The following NR3C1 variants were observed in gnomAD, a reference collection of about 807,000 sequenced individuals.
NR3C1 encodes the protein nuclear receptor subfamily 3 group C member 1.
In NR3C1, 14 loss-of-function variants were observed where a neutral mutation model predicts 74.0. The observed-to-expected ratio is 0.19, with a 90% confidence interval of 0.12 to 0.30. The LOEUF (loss-of-function observed/expected upper bound fraction) is 0.30, where lower values mean the gene tolerates loss of function less well. NR3C1 is among the 10% of genes least tolerant of loss of function. The pLI is 1.00. For synonymous variants in NR3C1, 308 were observed against 332.5 expected (o/e 0.93, Z 0.80); for missense variants, 695 against 909.8 (o/e 0.76, Z 3.04).
At chr5:143,387,379 G>A (rs1837432918) in intron 2 of NR3C1, among the ~76,000 whole-genome samples, 1 of 152,158 alleles carries the variant, frequency 6.6e-6, no homozygotes, top group Admixed American at 6.5e-5. Flanking sequence ...ATGTTCCCAT[G>A]TTTTAAAGAC....
upstream of NR3C1, chr5:143,404,015 C>T: frequency 3.0e-6 from 3 of 985,372 alleles, no homozygotes; most frequent in Non-Finnish European, 3.6e-6. Context: ...GTTAAGAGGG[C>T]CACCGAGTTT....
intron 2 of NR3C1, among the ~76,000 whole-genome samples, chr5:143,376,178 A>C (rs183634730): frequency 6.6e-6 from 1 of 152,376 alleles, no homozygotes; most frequent in East Asian, 1.9e-4. Context: ...TAAGCCAAAA[A>C]AGTTTGTATT....
chr5:143,377,616 G>A (rs1450995941), intron 2 of NR3C1, among the ~76,000 whole-genome samples: 5 of 152,334 alleles, frequency 3.3e-5, no homozygotes, highest in Admixed American at 2.0e-4. Context: ...CTATGAGCAC[G>A]CAGTGCAGCG....
intron 7 of NR3C1, among the ~76,000 whole-genome samples, chr5:143,290,349 A>G (rs2151509285): frequency 6.6e-6 from 1 of 152,356 alleles, no homozygotes. Context: ...CCACAAGGGC[A>G]GAGTTTAGTA....
At chr5:143,371,172 T>C (rs1298287912) in intron 2 of NR3C1, among the ~76,000 whole-genome samples, 1 of 152,206 alleles carries the variant, frequency 6.6e-6, no homozygotes, top group African/African-American at 2.4e-5. Flanking sequence ...TGTCATTATA[T>C]GTACATCTTC....
At chr5:143,301,318 T>C (rs1327896523) in intron 4 of NR3C1, among the ~76,000 whole-genome samples, 3 of 152,168 alleles carry the variant, frequency 2.0e-5, no homozygotes, top group African/African-American at 7.2e-5. Context: ...ATGCTAAAAA[T>C]AGTATTAGTT....
chr5:143,435,226 C>T (rs1262423235), exon 1 of NR3C1: 3 of 985,510 alleles, frequency 3.0e-6, no homozygotes, highest in Non-Finnish European at 3.6e-6. Context: ...TCTATTCCTT[C>T]CCCACTCATG....
chr5:143,309,069 GTTTC>G (rs1311787426), intron 4 of NR3C1, among the ~76,000 whole-genome samples: 4 of 132,074 alleles, frequency 3.0e-5, no homozygotes, highest in Non-Finnish European at 3.2e-5. Flanking sequence ...CTAGTTTCAG[GTTTC>G]TTTTTTTTTT....
chr5:143,419,971 C>T (rs77857185), intron 1 of NR3C1, among the ~76,000 whole-genome samples: 27,630 of 152,074 alleles, frequency 0.18, 2,704 homozygotes, highest in Middle Eastern at 0.35. Flanking sequence ...CCCTCAGGGG[C>T]ATATTCTCTT....
chr5:143,298,377 A>G (rs1307898293), intron 6 of NR3C1, among the ~76,000 whole-genome samples: 3 of 152,212 alleles, frequency 2.0e-5, no homozygotes, highest in East Asian at 3.8e-4. Context: ...TATGTAAATG[A>G]TATCACAGTA....
intron 2 of NR3C1, among the ~76,000 whole-genome samples, chr5:143,387,342 T>C (rs531874319): frequency 3.3e-5 from 5 of 152,378 alleles, no homozygotes; most frequent in African/African-American, 1.2e-4. Context: ...AAGATTTCCC[T>C]AATTTATCTG....
At chr5:143,355,190 T>A (rs904316628) in intron 2 of NR3C1, among the ~76,000 whole-genome samples, 1 of 152,160 alleles carries the variant, frequency 6.6e-6, no homozygotes, top group Non-Finnish European at 1.5e-5. Flanking sequence ...TATCTAAATA[T>A]GACAGAATAC....
chr5:143,402,697 C>T, intron 1 of NR3C1: 1 of 985,398 alleles, frequency 1.0e-6, no homozygotes, highest in Non-Finnish European at 1.2e-6. Flanking sequence ...CCCGCGTGTG[C>T]ACCCTCACGC....
At chr5:143,357,381 C>T (rs1300236673) in intron 2 of NR3C1, among the ~76,000 whole-genome samples, 1 of 152,098 alleles carries the variant, frequency 6.6e-6, no homozygotes, top group East Asian at 1.9e-4. Flanking sequence ...TTTAACAAAA[C>T]TATATATGGT....
chr5:143,377,023 C>T (rs1430565992), intron 2 of NR3C1, among the ~76,000 whole-genome samples: 1 of 152,088 alleles, frequency 6.6e-6, no homozygotes, highest in East Asian at 1.9e-4. Flanking sequence ...ACTGGGAAGG[C>T]TCTTTTGTCT....
intron 1 of NR3C1, among the ~76,000 whole-genome samples, chr5:143,426,433 A>G (rs1047271906): frequency 6.6e-6 from 1 of 152,192 alleles, no homozygotes; most frequent in African/African-American, 2.4e-5. Context: ...TATGCTCCCT[A>G]TTTTCTTTGG....
chr5:143,362,992 G>C (rs924170894), intron 2 of NR3C1, among the ~76,000 whole-genome samples: 1 of 152,108 alleles, frequency 6.6e-6, no homozygotes, highest in Admixed American at 6.5e-5. Context: ...AGATGGAGTA[G>C]GCTCCAAACT....
intron 2 of NR3C1, among the ~76,000 whole-genome samples, chr5:143,340,573 C>A (rs925467828): frequency 6.7e-6 from 1 of 149,144 alleles, no homozygotes. Flanking sequence ...ACCTCCGCCT[C>A]CTGGGTTGAA....
At chr5:143,328,153 C>A (rs185440599) in intron 2 of NR3C1, among the ~76,000 whole-genome samples, 1 of 152,358 alleles carries the variant, frequency 6.6e-6, no homozygotes, top group East Asian at 1.9e-4. Flanking sequence ...GCAGGCCCAA[C>A]ACCACGTGAA....
Sources: gnomAD v4.1 joint callset for allele counts (sites outside exome capture counted in the v4.1 genomes callset) on GRCh38, gnomAD v4.1.1 for gene constraint, MANE v1.5 for transcripts, NCBI Gene and HGNC (gene_info 2026-07-23, HGNC 2026-07-21) for gene names.